The following LY6L variants were observed in gnomAD, a reference collection of about 807,000 sequenced individuals.
LY6L encodes lymphocyte antigen 6 family member L.
Under a neutral mutation model 8.3 loss-of-function variants are expected in LY6L, and 8 were observed. The ratio of observed to expected loss-of-function variants is 0.97; its 90% CI spans 0.57 to 1.74. The LOEUF (loss-of-function observed/expected upper bound fraction) is 1.74. LY6L is among the 40% of genes most tolerant of loss of function. LY6L has a pLI of 0.00. For synonymous variants in LY6L, 79 were observed against 77.9 expected, an observed-to-expected ratio of 1.01 and a Z score of -0.07; for missense variants, 156 against 183.8, an observed-to-expected ratio of 0.85 and a Z score of 0.87.
At chr8:143,080,764 CAG>C in intron 1 of LY6L, 105 bp downstream of exon 1, 1 of 426,450 alleles carries the variant, frequency 2.3e-6, no homozygotes, top group Non-Finnish European at 4.1e-6. Flanking sequence ...GGACCAAAGG[CAG>C]AGGGCCCAGG....
chr8:143,081,133 C>T lies in LY6L; in HGVS notation c.73+7C>T, dbSNP rs369254494. 32 of 1,534,240 alleles carry T rather than the reference C, an allele frequency of 2.1e-5. No individual in the cohort carries two copies. In the African/African-American group the frequency reaches 3.8e-4, roughly 18 times the overall value. On this transcript the variant is annotated splice_region_variant and intron_variant, in intron 2 of 3. Transcript: ENST00000562505. ...GGCTGCGCCACGACGCCAGGTAAGG[C>T]GCGGCCCGGGCTGGGCTGGGGGCGT...
chr8:143,081,415 G>C lies in LY6L; in HGVS notation c.190+88G>C, dbSNP rs193230761. On this transcript the variant is annotated intron_variant, in intron 3 of 3. Coordinates refer to ENST00000562505, the MANE Select transcript of LY6L (RefSeq NM_001368160.2). ...CTCAGCGACTTAGCTATGAGTCCTC[G>C]GCGCTCCAGGGCCTGGGGCCCTGTG... The C allele has an allele frequency of 8.0e-4, 648 of 806,158 alleles. 1 individual carries two copies. Among genetic ancestry groups the C allele is most frequent in the African/African-American group, 5.9e-3 (335 of 56,758 alleles). 49.9% of individuals were successfully genotyped at this position (806,158 alleles called of 1,614,324 possible).
Position 143,081,108 on chromosome 8 carries a change from G to A in LY6L, c.55G>A (p.Gly19Ser), listed in dbSNP as rs1482182285. 1.2e-5 allele frequency: 19 copies of A among 1,534,870 alleles called. No individual in the cohort carries two copies. Among genetic ancestry groups the A allele is most frequent in the Non-Finnish European group, 1.5e-5 (17 of 1,146,304 alleles). ...CCTCCCGCTGGCTGTGGCGTCTGCT[G>A]GCTGCGCCACGACGCCAGGTAAGGC... ...CTLPLAVASA[G>S]CATTPARNLS... The change falls in exon 2 of 4, where the codon GGC becomes AGC. Residue 19 changes from glycine (G) to serine (S), a missense_variant. Gly to Ser is a moderately conservative substitution (Grantham distance 56). Transcript: ENST00000562505.
At chr8:143,080,896 G>T in intron 1 of LY6L, 140 bp from the exon 2 acceptor site, 2 of 626,740 alleles carry the variant, frequency 3.2e-6, no homozygotes, top group Non-Finnish European at 5.4e-6. Context: ...GGACGTCCTG[G>T]GTGAAGCCGC....
chr8:143,081,159 C>T, intron 2 of LY6L, 33 bp downstream of exon 2: 1 of 1,531,560 alleles, frequency 6.5e-7, no homozygotes, highest in Non-Finnish European at 8.7e-7. Context: ...CTGGGGGCGT[C>T]GGGGCTGGAG....
Position 143,081,086 on chromosome 8 carries a change from C to T in LY6L, c.33C>T (p.Leu11=). ...GGCTCGTCCTAACCCTGTGCACCCT[C>T]CCGCTGGCTGTGGCGTCTGCTGGCT... is the stretch of plus-strand genomic sequence containing the variant. The part of the protein sequence containing the change: MERLVLTLCT[L]PLAVASAGCA... Residue 11 remains leucine, a synonymous_variant, in exon 2 of 4, where the codon CTC becomes CTT. Transcript: ENST00000562505. The T allele has an allele frequency of 2.0e-6, 3 of 1,535,036 alleles. No homozygotes were observed. The highest frequency in any genetic ancestry group is 2.6e-6 in the Non-Finnish European group (3 of 1,146,408).
chr8:143,081,195 C>G lies in LY6L; in HGVS notation c.74-16C>G, dbSNP rs2130540260. ...CTGCGGACGCTGGTCCACAGCGCCC[C>G]GCTTGCTGCCCACAGCTCGCAACCT... On this transcript the variant is annotated splice_polypyrimidine_tract_variant and intron_variant, in intron 2 of 3. Coordinates refer to ENST00000562505, the MANE Select transcript of LY6L (RefSeq NM_001368160.2). The G allele has an allele frequency of 1.3e-6, 2 of 1,526,762 alleles. No individual in the cohort carries two copies. Among genetic ancestry groups the G allele is most frequent in the East Asian group, 2.5e-5 (1 of 40,654 alleles). 94.6% of individuals were successfully genotyped at this position (1,526,762 alleles called of 1,614,324 possible).
chr8:143,081,099 G>A lies in LY6L; in HGVS notation c.46G>A (p.Ala16Thr). 2 of 1,534,944 alleles carry A rather than the reference G, an allele frequency of 1.3e-6. No homozygotes were observed. Among genetic ancestry groups the A allele is most frequent in the Non-Finnish European group, 1.7e-6 (2 of 1,146,342 alleles). ...CCTGTGCACCCTCCCGCTGGCTGTG[G>A]CGTCTGCTGGCTGCGCCACGACGCC... ...LTLCTLPLAV[A>T]SAGCATTPAR... Residue 16 changes from alanine to threonine, a missense_variant, in exon 2 of 4, where the codon GCG becomes ACG. Physicochemically the swap from Ala to Thr is moderately conservative, Grantham distance 58. Coordinates refer to ENST00000562505, the MANE Select transcript of LY6L (RefSeq NM_001368160.2).
At chr8:143,082,052 T>C (rs1820439075) in intron 3 of LY6L, among the ~76,000 whole-genome samples, 1 of 152,226 alleles carries the variant, frequency 6.6e-6, no homozygotes, top group African/African-American at 2.4e-5. Flanking sequence ...TTCTCCGTGA[T>C]GGGCAGCCCC....
rs1473323865 is a variant in LY6L at position 143,082,459 on chromosome 8, T to C, written c.225T>C (p.Cys75=). ...WSVRVLLSKR[C]APRCPNDNMK... ...TACGCGTCCTGCTCAGCAAACGCTG[T>C]GCTCCCAGATGTCCCAACGACAACA... Residue 75 remains cysteine (C), a synonymous_variant, in exon 4 of 4, where the codon TGT becomes TGC. Transcript: ENST00000562505. 1 of 1,535,464 alleles carries C rather than the reference T, an allele frequency of 6.5e-7. No individual in the cohort carries two copies. Among genetic ancestry groups the C allele is most frequent in the Admixed American group, 2.0e-5 (1 of 50,998 alleles).
Position 143,082,877 on chromosome 8 carries a change from G to C in LY6L, c.*226G>C. On this transcript the variant is annotated 3_prime_UTR_variant, in exon 4 of 4. Coordinates refer to ENST00000562505, the MANE Select transcript of LY6L (RefSeq NM_001368160.2). ...AAGGATTCAGCAACTGCTCCTCCTGGGGAAGGACAGTGCCTCTGATGTGGG... is the reference window on the plus strand; with the variant it reads ...AAGGATTCAGCAACTGCTCCTCCTGCGGAAGGACAGTGCCTCTGATGTGGG... 1.9e-6 allele frequency: 1 copy of C among 514,932 alleles called. No individual in the cohort carries two copies. The highest frequency in any genetic ancestry group is 3.2e-5 in the South Asian group (1 of 31,510). 31.9% of individuals were successfully genotyped at this position (514,932 alleles called of 1,614,324 possible). A position where few individuals can be genotyped will look rare whatever the true frequency, so the allele number is the denominator to read the frequency against.
At chr8:143,082,396 G>C in intron 3 of LY6L, 29 bp from the exon 4 acceptor site, 1 of 1,492,084 alleles carries the variant, frequency 6.7e-7, no homozygotes, top group South Asian at 1.2e-5. Flanking sequence ...TGGGGCTCTG[G>C]GGCCACCTGC....
Position 143,083,305 on chromosome 8 carries a change from G to A in LY6L, c.*654G>A, listed in dbSNP as rs1364450004. 2.0e-5 allele frequency among the ~76,000 whole-genome samples: 3 copies of A among 152,174 alleles called. No homozygotes were observed. The highest frequency in any genetic ancestry group is 4.8e-5 in the African/African-American group (2 of 41,430). ...GGCCCCTTGCCCTGAATGCTGTCCAGGACCCTTCGAGGGGCAGAAGAACCT... is the reference window on the plus strand; with the variant it reads ...GGCCCCTTGCCCTGAATGCTGTCCAAGACCCTTCGAGGGGCAGAAGAACCT... On this transcript the variant is annotated 3_prime_UTR_variant, in exon 4 of 4. Transcript: ENST00000562505.
chr8:143,082,659 C>G lies in LY6L; in HGVS notation c.*8C>G. The G allele has an allele frequency of 1.4e-6, 2 of 1,450,674 alleles. No homozygotes were observed. The highest frequency in any genetic ancestry group is 1.8e-6 in the Non-Finnish European group (2 of 1,101,096). The allele number at this position is 1,450,674 out of a possible 1,614,324, so 89.9% of individuals were successfully genotyped here. On this transcript the variant is annotated 3_prime_UTR_variant, in exon 4 of 4. Coordinates refer to ENST00000562505, the MANE Select transcript of LY6L (RefSeq NM_001368160.2). ...CTCAGGGCCCTGTTGTGAGGGCCCTCCCTTTACGCCCCCTCCTGGCCCTGC... is the reference window on the plus strand; with the variant it reads ...CTCAGGGCCCTGTTGTGAGGGCCCTGCCTTTACGCCCCCTCCTGGCCCTGC...
At chr8:143,080,959 C>A in intron 1 of LY6L, 77 bp from the exon 2 acceptor site, 1 of 1,128,878 alleles carries the variant, frequency 8.9e-7, no homozygotes, top group Non-Finnish European at 1.3e-6. Context: ...CTGAGTAAAG[C>A]CCCGTCCGGG....
At chr8:143,080,913 G>T in intron 1 of LY6L, 123 bp from the exon 2 acceptor site, 2 of 680,164 alleles carry the variant, frequency 2.9e-6, no homozygotes, top group Non-Finnish European at 4.8e-6. Context: ...CCGCGTCCGG[G>T]AGCGCAGGAG....
chr8:143,082,416 T>C lies in LY6L; in HGVS notation c.191-9T>C, dbSNP rs779687294. 1 of 1,524,208 alleles carries C rather than the reference T, an allele frequency of 6.6e-7. No homozygotes were observed. The highest frequency in any genetic ancestry group is 8.8e-7 in the Non-Finnish European group (1 of 1,137,378). 94.4% of individuals were successfully genotyped at this position (1,524,208 alleles called of 1,614,324 possible). The stretch of plus-strand genomic sequence containing the variant: ...CTCTGGGGCCACCTGCCTCTCCTCT[T>C]TTCTGCAGAATGGAGTGTACGCGTC... On this transcript the variant is annotated splice_polypyrimidine_tract_variant and intron_variant, in intron 3 of 3. Transcript: ENST00000562505.
chr8:143,082,782 G>A lies in LY6L; in HGVS notation c.*131G>A. On this transcript the variant is annotated 3_prime_UTR_variant, in exon 4 of 4. Transcript: ENST00000562505. Reference sequence around the variant, plus strand: ...CCCTCTCTGAGGTGGTGGGGAGGGTGCCATTGCCTCCATCCCGGATCTAGC... The same window carrying A: ...CCCTCTCTGAGGTGGTGGGGAGGGTACCATTGCCTCCATCCCGGATCTAGC... The A allele has an allele frequency of 1.3e-6, 1 of 779,696 alleles. No homozygotes were observed. The allele number at this position is 779,696 out of a possible 1,614,324, so 48.3% of individuals were successfully genotyped here.
chr8:143,081,276 T>G lies in LY6L; in HGVS notation c.139T>G (p.Cys47Gly). Residue 47 changes from cysteine to glycine, a missense_variant, in exon 3 of 4, where the codon TGC (cysteine) becomes GGC (glycine). Transcript: ENST00000562505. ...CTGGACGGAGTGCCCGCCCACCTGGTGCAGCCCGCTGGACCAAGTCTGCAT... is the reference window on the plus strand; with the variant it reads ...CTGGACGGAGTGCCCGCCCACCTGGGGCAGCCCGCTGGACCAAGTCTGCAT... ...SSWTECPPTW[C>G]SPLDQVCISN... 2 of 1,533,878 alleles carry G rather than the reference T, an allele frequency of 1.3e-6. No homozygotes were observed. The highest frequency in any genetic ancestry group is 4.9e-5 in the East Asian group (2 of 40,858).
Sources: allele counts gnomAD v4.1 joint callset (sites outside exome capture counted in the v4.1 genomes callset), GRCh38; gene constraint gnomAD v4.1.1; transcripts MANE v1.5; gene names NCBI Gene and HGNC (gene_info 2026-07-23, HGNC 2026-07-21).